The following GRIP1 variants were observed in gnomAD, a reference collection of about 807,000 sequenced individuals.
The protein encoded by GRIP1 is glutamate receptor interacting protein 1.
Under a neutral mutation model 129.9 loss-of-function variants are expected in GRIP1, and 45 were observed. The ratio of observed to expected loss-of-function variants is 0.35; its 90% confidence interval spans 0.27 to 0.44. The LOEUF (loss-of-function observed/expected upper bound fraction) is 0.44. GRIP1 is among the 20% of genes least tolerant of loss of function. GRIP1 has a pLI of 1.00. For missense variants in GRIP1, 1,196 were observed against 1,396.8 expected (o/e 0.86, Z 2.29); for synonymous variants, 530 against 520.8 (o/e 1.02, Z -0.24).
chr12:66,786,407 C>T (rs1370413522), intron 1 of GRIP1, among the ~76,000 whole-genome samples: 2 of 151,998 alleles, frequency 1.3e-5, no homozygotes, highest in African/African-American at 4.8e-5. Context: ...CAGCAAACTG[C>T]AAGACAGCAG....
intron 1 of GRIP1, among the ~76,000 whole-genome samples, chr12:66,910,899 G>C (rs890922316): frequency 1.1e-4 from 16 of 152,170 alleles, no homozygotes; most frequent in African/African-American, 3.9e-4. Flanking sequence ...GGATCTCCAG[G>C]TCAGACTTCA....
intron 15 of GRIP1, among the ~76,000 whole-genome samples, chr12:66,412,448 T>C (rs1056501841): frequency 3.9e-5 from 6 of 152,170 alleles, no homozygotes; most frequent in African/African-American, 9.7e-5. Context: ...AATTCATCAC[T>C]ATCAGGCCTA....
At chr12:67,041,177 A>G (rs2043172187) in intron 1 of GRIP1, among the ~76,000 whole-genome samples, 1 of 152,066 alleles carries the variant, frequency 6.6e-6, no homozygotes, top group South Asian at 2.1e-4. Context: ...CTCTATATGT[A>G]CACATATACA....
Position 66,582,508 on chromosome 12 carries a change from C to T in GRIP1, c.136+14339G>A, listed in dbSNP as rs1181346011. On this transcript the variant is annotated intron_variant, in intron 2 of 24. Coordinates refer to ENST00000359742, the MANE Select transcript of GRIP1 (RefSeq NM_001366722.1). ...ACATGATTGTATATCTAGAAAACCCCATTGTCTCAGCCCAAAATCTCCTTA... is the reference window on the plus strand; with the variant it reads ...ACATGATTGTATATCTAGAAAACCCTATTGTCTCAGCCCAAAATCTCCTTA... Among the ~76,000 whole-genome samples the T allele has an allele frequency of 1.2e-4, 18 of 147,652 alleles. No individual in the cohort carries two copies. In the East Asian group the frequency reaches 3.2e-3, roughly 26 times the overall value.
At chr12:66,681,941 A>G (rs950444877), upstream of GRIP1, among the ~76,000 whole-genome samples, 3 of 152,182 alleles carry the variant, frequency 2.0e-5, no homozygotes, top group African/African-American at 7.2e-5. Flanking sequence ...AGGCACTTTC[A>G]CACATAATGT....
chr12:67,058,922 G>C (rs1342188347), intron 1 of GRIP1, among the ~76,000 whole-genome samples: 1 of 152,200 alleles, frequency 6.6e-6, no homozygotes. Context: ...CAAAAAATCA[G>C]ATGTAAGTGT....
chr12:66,875,476 T>TA (rs1481895462), intron 1 of GRIP1, among the ~76,000 whole-genome samples: 1 of 152,102 alleles, frequency 6.6e-6, no homozygotes, highest in Non-Finnish European at 1.5e-5. Context: ...TTGTGGTTGC[T>TA]AGGGCTCCAT....
At position 66,907,614 on chromosome 12, in the gene GRIP1, G is replaced by T. The variant is rs377603381; in HGVS notation, c.58+161436C>A. Among the ~76,000 whole-genome samples the T allele has an allele frequency of 1.4e-4, 21 of 152,126 alleles. 1 individual carries two copies. Among genetic ancestry groups the T allele is most frequent in the African/African-American group, 2.4e-4 (10 of 41,480 alleles). On this transcript the variant is annotated intron_variant, in intron 1 of 1. Transcript: ENST00000643019. ...AGCAAGAGTGTTCCAGGAAGTGGGGGGTCAGCATTCCAAAGACATGGGGAC... is the reference window on the plus strand; with the variant it reads ...AGCAAGAGTGTTCCAGGAAGTGGGGTGTCAGCATTCCAAAGACATGGGGAC...
chr12:66,543,739 T>C lies in GRIP1; in HGVS notation c.137-1789A>G, dbSNP rs181053492. ...GACCGTTCATATTAAAGAGATATAA[T>C]GTGCCCAACAATTTTGCCAACAAAA... On this transcript the variant is annotated intron_variant, in intron 2 of 24. Transcript: ENST00000359742. Among the ~76,000 whole-genome samples, 6 of 152,312 alleles carry C rather than the reference T, an allele frequency of 3.9e-5. No homozygotes were observed. The East Asian group carries it at 1.2e-3, about 29-fold the overall frequency.
Position 66,603,854 on chromosome 12 carries a change from C to A in GRIP1, c.56-6927G>T, listed in dbSNP as rs542062572. The stretch of plus-strand genomic sequence containing the variant: ...GGCTGAATTATAGGAGTAACTAGAT[C>A]TATCTAAGGTCAGATTCACTGGAGC... On this transcript the variant is annotated intron_variant, in intron 1 of 24. Transcript: ENST00000359742. Among the ~76,000 whole-genome samples the A allele has an allele frequency of 2.0e-5, 3 of 152,270 alleles. No homozygotes were observed. The East Asian group carries it at 5.8e-4, about 29-fold the overall frequency.
chr12:66,541,704 G>T, intron 3 of GRIP1, 111 bp downstream of exon 3: 1 of 1,115,178 alleles, frequency 9.0e-7, no homozygotes, highest in Non-Finnish European at 1.4e-6. Context: ...GTGCTGCCTG[G>T]CAGATGGCAG....
chr12:67,025,356 C>T (rs2042927202), intron 1 of GRIP1, among the ~76,000 whole-genome samples: 2 of 152,064 alleles, frequency 1.3e-5, no homozygotes, highest in South Asian at 4.1e-4. Flanking sequence ...CACACACACA[C>T]ACATACACAC....
At chr12:66,450,358 A>C (rs908704478) in intron 11 of GRIP1, among the ~76,000 whole-genome samples, 2 of 148,292 alleles carry the variant, frequency 1.3e-5, no homozygotes, top group Non-Finnish European at 3.0e-5. Context: ...AAAAGAAGTC[A>C]GTTTAATAGT....
chr12:66,958,437 C>T (rs1399849092), intron 1 of GRIP1, among the ~76,000 whole-genome samples: 2 of 152,074 alleles, frequency 1.3e-5, no homozygotes, highest in Non-Finnish European at 2.9e-5. Context: ...CAGCATTTTT[C>T]GATTTTGAAG....
intron 1 of GRIP1, among the ~76,000 whole-genome samples, chr12:66,755,041 A>G (rs1453479891): frequency 6.6e-6 from 1 of 152,212 alleles, no homozygotes; most frequent in Non-Finnish European, 1.5e-5. Context: ...GATGGATATA[A>G]CTTCCCAAAC....
At chr12:66,837,186 A>C (rs1427139242) in intron 1 of GRIP1, among the ~76,000 whole-genome samples, 1 of 152,228 alleles carries the variant, frequency 6.6e-6, no homozygotes, top group East Asian at 1.9e-4. Flanking sequence ...ACCTTTACTG[A>C]GTACCCACTA....
intron 2 of GRIP1, among the ~76,000 whole-genome samples, chr12:66,559,650 C>G (rs1052213048): frequency 9.2e-5 from 14 of 152,092 alleles, no homozygotes; most frequent in South Asian, 2.1e-4. Context: ...AACTTTAAAA[C>G]CTTGATGAAA....
intron 1 of GRIP1, among the ~76,000 whole-genome samples, chr12:67,010,087 G>A (rs942300931): frequency 1.3e-5 from 2 of 152,106 alleles, no homozygotes; most frequent in Non-Finnish European, 2.9e-5. Context: ...GGTATACCAT[G>A]GGACTGTCTC....
intron 1 of GRIP1, among the ~76,000 whole-genome samples, chr12:66,854,117 C>G (rs2039962124): frequency 6.6e-6 from 1 of 151,964 alleles, no homozygotes; most frequent in South Asian, 2.1e-4. Context: ...AAATAAGGTA[C>G]AGTTTGCACC....
Sources: allele counts gnomAD v4.1 joint callset (sites outside exome capture counted in the v4.1 genomes callset), GRCh38; gene constraint gnomAD v4.1.1; transcripts MANE v1.5; gene names NCBI Gene and HGNC (gene_info 2026-07-23, HGNC 2026-07-21).